NPY4R2: variants seen among roughly 807,000 people sequenced by gnomAD.
NPY4R2 encodes the protein neuropeptide Y receptor type 4-2.
For missense variants in NPY4R2, 7 were observed against 268.8 expected, an observed-to-expected ratio of 0.03 and a Z score of 6.81; for synonymous variants, 6 against 115.2, an observed-to-expected ratio of 0.05 and a Z score of 6.07.
upstream of NPY4R2, among the ~76,000 whole-genome samples, chr10:47,916,415 G>A (rs2132177000): frequency 8.1e-6 from 1 of 124,208 alleles, no homozygotes. Flanking sequence ...AACTCTGGGA[G>A]TATTGGTTTA....
chr10:47,922,907 GC>G lies in NPY4R2; in HGVS notation c.922del (p.His308ThrfsTer31). The G allele has an allele frequency of 1.2e-6, 1 of 832,772 alleles. No homozygotes were observed. The highest frequency in any genetic ancestry group is 1.8e-6 in the Non-Finnish European group (1 of 544,170). 51.6% of individuals were successfully genotyped at this position (832,772 alleles called of 1,614,324 possible). On this transcript the variant is annotated frameshift_variant, in exon 3 of 3. Coordinates refer to ENST00000576178, the Ensembl canonical transcript of NPY4R2. LOFTEE classifies it high-confidence loss of function. ...CATGGGAACCTCATCTTCTTAGTGT[GC>G]CACTTGCTTGCCATGGCCTCCACCT...
At chr10:47,920,258 A>G (rs1840948882) in intron 1 of NPY4R2, among the ~76,000 whole-genome samples, 2 of 92,340 alleles carry the variant, frequency 2.2e-5, no homozygotes, top group African/African-American at 1.1e-4. Context: ...TTTTTTTGAG[A>G]CAGAGTCTCG....
chr10:47,923,410 C>A (rs1158013356), exon 3 of NPY4R2: 1 of 34,280 alleles, frequency 2.9e-5, no homozygotes, highest in East Asian at 4.9e-4. Flanking sequence ...AGGGTTCATT[C>A]TGGTGACACA....
chr10:47,917,068 C>A (rs3916231), upstream of NPY4R2, among the ~76,000 whole-genome samples: 1,499 of 43,790 alleles, frequency 0.034, 35 homozygotes, highest in Middle Eastern at 0.083. Flanking sequence ...GAGGCGGAGA[C>A]AAGAGCTGTG....
chr10:47,918,383 G>GAGAAAGAAAGAAAGAAAGAA (rs1227500817), upstream of NPY4R2, among the ~76,000 whole-genome samples: 12 of 10,496 alleles, frequency 1.1e-3, no homozygotes, highest in Admixed American at 2.7e-3. Context: ...GAGAGAGAGA[G>GAGAAAGAAAGAAAGAAAGAA]AGAAAGAAAG....
upstream of NPY4R2, among the ~76,000 whole-genome samples, chr10:47,918,381 GAGAGAA>G (rs1382794967): frequency 2.3e-4 from 4 of 17,616 alleles, 1 homozygote; most frequent in African/African-American, 4.5e-4. Flanking sequence ...GAGAGAGAGA[GAGAGAA>G]AGAAAGAAAG....
chr10:47,916,855 C>A (rs1554991780), upstream of NPY4R2, among the ~76,000 whole-genome samples: 21 of 98,780 alleles, frequency 2.1e-4, no homozygotes, highest in Non-Finnish European at 1.1e-4. Flanking sequence ...ACAGTGGCTG[C>A]GTTCTTGCCT....
chr10:47,918,356 GGAGAGAGAGA>G (rs139901640), upstream of NPY4R2, among the ~76,000 whole-genome samples: 3 of 17,752 alleles, frequency 1.7e-4, no homozygotes, highest in African/African-American at 6.9e-4. Context: ...GGGGAGGGAG[GGAGAGAGAGA>G]GAGAGAGAGA....
chr10:47,923,017 G>GC lies in NPY4R2; in HGVS notation c.1036dup (p.Leu346ProfsTer50), dbSNP rs1554988769. On this transcript the variant is annotated frameshift_variant, in exon 3 of 3. Coordinates refer to ENST00000576178, the Ensembl canonical transcript of NPY4R2. LOFTEE classifies it high-confidence loss of function. ...CCTGGTGCTGACTTGCCAGCAGAGC[G>GC]CCCCCCTGGAGGAGTCAGAGCATCT... 3 of 549,510 alleles carry GC rather than the reference G, an allele frequency of 5.5e-6. No homozygotes were observed. The highest frequency in any genetic ancestry group is 2.0e-5 in the South Asian group (1 of 49,348). The allele number at this position is 549,510 out of a possible 1,614,324, so 34.0% of individuals were successfully genotyped here.
upstream of NPY4R2, among the ~76,000 whole-genome samples, chr10:47,918,419 AAG>A (rs1408760804): frequency 2.9e-5 from 1 of 34,292 alleles, no homozygotes; most frequent in African/African-American, 1.7e-4. Context: ...GAAAGAAAGA[AAG>A]AAAGAAAGAA....
chr10:47,920,445 CA>C (rs1841716123), intron 1 of NPY4R2, among the ~76,000 whole-genome samples: 1 of 58,006 alleles, frequency 1.7e-5, no homozygotes, highest in Non-Finnish European at 3.8e-5. Flanking sequence ...CCATGTTGGC[CA>C]GGCAGGTGTT....
At chr10:47,915,077 T>C (rs1268720265), upstream of NPY4R2, among the ~76,000 whole-genome samples, 1 of 152,070 alleles carries the variant, frequency 6.6e-6, no homozygotes, top group Non-Finnish European at 1.5e-5. Flanking sequence ...GTAGGACAGC[T>C]TCCGGGAGCT....
At chr10:47,916,569 G>A (rs1451308995), upstream of NPY4R2, among the ~76,000 whole-genome samples, 2 of 130,964 alleles carry the variant, frequency 1.5e-5, no homozygotes, top group African/African-American at 5.2e-5. Flanking sequence ...CTTCTTTGAG[G>A]CTCAGTTTTC....
upstream of NPY4R2, among the ~76,000 whole-genome samples, chr10:47,915,090 C>T (rs1303428213): frequency 6.6e-6 from 1 of 151,988 alleles, no homozygotes; most frequent in African/African-American, 2.4e-5. Flanking sequence ...CGGGAGCTAG[C>T]TATATGTGAG....
intron 2 of NPY4R2, 78 bp from the exon 3 acceptor site, chr10:47,921,850 CT>C (rs2132193407): frequency 2.1e-6 from 1 of 478,950 alleles, no homozygotes; most frequent in Admixed American, 3.8e-5. Context: ...AGCTGAGAGC[CT>C]TTCTACCCGG....
chr10:47,914,934 C>T (rs1229786050), upstream of NPY4R2, among the ~76,000 whole-genome samples: 4 of 152,272 alleles, frequency 2.6e-5, no homozygotes, highest in African/African-American at 7.2e-5. Flanking sequence ...TTCATCTTGA[C>T]CTATCTCCTT....
At chr10:47,914,955 AT>A (rs1841641824), upstream of NPY4R2, among the ~76,000 whole-genome samples, 1 of 152,272 alleles carries the variant, frequency 6.6e-6, no homozygotes, top group African/African-American at 2.4e-5. Flanking sequence ...TGTGCTGTTG[AT>A]TTCCTAAATG....
At chr10:47,922,602 G>T (rs1840816559) in exon 3 of NPY4R2, 2 of 1,460,996 alleles carry the variant, frequency 1.4e-6, no homozygotes, top group African/African-American at 1.4e-5. Context: ...CCGAGTCCTG[G>T]CCACTGGCTC....
chr10:47,920,643 A>C (rs1406708345), intron 1 of NPY4R2, 95 bp from the exon 2 acceptor site: 1 of 124,440 alleles, frequency 8.0e-6, no homozygotes, highest in Non-Finnish European at 1.7e-5. Context: ...AGACTTAAAG[A>C]ATATCTCGAA....
Sources: gnomAD v4.1 joint callset for allele counts (sites outside exome capture counted in the v4.1 genomes callset) on GRCh38, gnomAD v4.1.1 for gene constraint, MANE v1.5 for transcripts, NCBI Gene and HGNC (gene_info 2026-07-23, HGNC 2026-07-21) for gene names.